Variants in FRMD4A observed in about 807,000 individuals in gnomAD.
FRMD4A encodes the protein FERM domain-containing protein 4A.
A neutral mutation model predicts 129.1 loss-of-function variants in FRMD4A; 29 were observed. The observed-to-expected ratio is 0.22, with a 90% confidence interval of 0.17 to 0.31. FRMD4A has a LOEUF of 0.31. Among genes scored for constraint, FRMD4A ranks in the 10% least tolerant of loss-of-function variants. The pLI is 1.00. For synonymous variants in FRMD4A, 634 were observed against 571.6 expected, an observed-to-expected ratio of 1.11 and a Z score of -1.56; for missense variants, 1,272 against 1,375.8, an observed-to-expected ratio of 0.92 and a Z score of 1.19.
chr10:14,129,387 T>TG (rs1839110780), intron 2 of FRMD4A, among the ~76,000 whole-genome samples: 1 of 128,698 alleles, frequency 7.8e-6, no homozygotes, highest in South Asian at 2.4e-4. Flanking sequence ...TATATATATA[T>TG]ATATATATAT....
chr10:14,191,611 C>T (rs920449438), intron 2 of FRMD4A, among the ~76,000 whole-genome samples: 1 of 152,158 alleles, frequency 6.6e-6, no homozygotes, highest in African/African-American at 2.4e-5. Flanking sequence ...GACTTAAGAA[C>T]CATGTGAATT....
At chr10:13,848,222 T>C (rs1433770972) in intron 3 of FRMD4A, among the ~76,000 whole-genome samples, 2 of 152,188 alleles carry the variant, frequency 1.3e-5, no homozygotes, top group African/African-American at 2.4e-5. Flanking sequence ...GGAAAGGATT[T>C]TGTGAAGATA....
At chr10:13,862,260 A>G (rs1352583835) in intron 2 of FRMD4A, among the ~76,000 whole-genome samples, 2 of 152,232 alleles carry the variant, frequency 1.3e-5, no homozygotes, top group Admixed American at 1.3e-4. Context: ...ACTCAATCAC[A>G]GTCTAATAAA....
intron 2 of FRMD4A, chr10:14,008,126 C>T (rs772800793): frequency 3.1e-6 from 4 of 1,299,316 alleles, no homozygotes; most frequent in East Asian, 5.6e-5. Context: ...GGGATCTATT[C>T]GGAGCCACTG....
intron 2 of FRMD4A, among the ~76,000 whole-genome samples, chr10:13,924,410 C>CTT (rs71505010): frequency 4.6e-4 from 68 of 147,428 alleles, no homozygotes; most frequent in South Asian, 8.6e-4. Flanking sequence ...CTTCTCGTTC[C>CTT]TTTTTTTTTT....
At chr10:14,138,331 C>T (rs1393191851) in intron 2 of FRMD4A, among the ~76,000 whole-genome samples, 1 of 152,184 alleles carries the variant, frequency 6.6e-6, no homozygotes, top group African/African-American at 2.4e-5. Flanking sequence ...AGCCTCTCTA[C>T]AGCCTCTTCC....
intron 4 of FRMD4A, among the ~76,000 whole-genome samples, chr10:13,809,373 A>G (rs983222259): frequency 6.6e-6 from 1 of 152,238 alleles, no homozygotes; most frequent in African/African-American, 2.4e-5. Context: ...GCTATGATTA[A>G]TTGAAACTTA....
At chr10:14,310,369 G>A (rs1228932758) in intron 2 of FRMD4A, among the ~76,000 whole-genome samples, 1 of 152,216 alleles carries the variant, frequency 6.6e-6, no homozygotes, top group Non-Finnish European at 1.5e-5. Flanking sequence ...GACAGTGAGG[G>A]TCAAAGAGTC....
At chr10:14,190,480 T>C (rs933508142) in intron 2 of FRMD4A, among the ~76,000 whole-genome samples, 6 of 152,202 alleles carry the variant, frequency 3.9e-5, no homozygotes, top group Non-Finnish European at 7.3e-5. Context: ...CTAGCGATCC[T>C]GCCTCCCGAG....
intron 2 of FRMD4A, among the ~76,000 whole-genome samples, chr10:14,060,088 C>A (rs181755674): frequency 6.6e-6 from 1 of 152,140 alleles, no homozygotes; most frequent in African/African-American, 2.4e-5. Flanking sequence ...CAGTAGCTGG[C>A]GTTTATTGCA....
intron 2 of FRMD4A, among the ~76,000 whole-genome samples, chr10:13,887,903 C>G (rs550690708): frequency 6.6e-6 from 1 of 152,260 alleles, no homozygotes; most frequent in South Asian, 2.1e-4. Context: ...TGTGCTGATT[C>G]CATGAGACAA....
chr10:14,148,071 C>G (rs974205501), intron 2 of FRMD4A, among the ~76,000 whole-genome samples: 1 of 152,128 alleles, frequency 6.6e-6, no homozygotes, highest in African/African-American at 2.4e-5. Context: ...TTCTCATTCC[C>G]TTAAGAGGAA....
intron 2 of FRMD4A, among the ~76,000 whole-genome samples, chr10:14,025,779 A>G (rs547401300): frequency 8.9e-4 from 135 of 152,314 alleles, no homozygotes; most frequent in African/African-American, 2.9e-3. Flanking sequence ...GTGAGATCAT[A>G]TAGTGTTTGT....
chr10:13,661,773 A>G (rs1469052724), intron 19 of FRMD4A, among the ~76,000 whole-genome samples: 1 of 152,160 alleles, frequency 6.6e-6, no homozygotes, highest in Admixed American at 6.5e-5. Flanking sequence ...GAAGGCAGAC[A>G]TGGGAGGTGG....
intron 2 of FRMD4A, among the ~76,000 whole-genome samples, chr10:14,016,913 G>A (rs7099400): frequency 0.18 from 27,658 of 152,254 alleles, 3,146 homozygotes; most frequent in East Asian, 0.44. Context: ...TCAAGGACAA[G>A]GCCCATCAGC....
At chr10:14,077,354 T>C (rs1307790508) in intron 2 of FRMD4A, among the ~76,000 whole-genome samples, 1 of 152,244 alleles carries the variant, frequency 6.6e-6, no homozygotes, top group African/African-American at 2.4e-5. Context: ...TCGATGCCTG[T>C]GAAAACTTTG....
At chr10:13,864,338 C>CAAAAAAAA (rs149602938) in intron 2 of FRMD4A, among the ~76,000 whole-genome samples, 12 of 114,622 alleles carry the variant, frequency 1.0e-4, no homozygotes, top group South Asian at 2.8e-4. Flanking sequence ...CATCTTGAGT[C>CAAAAAAAA]AAAAAAAAAA....
intron 2 of FRMD4A, among the ~76,000 whole-genome samples, chr10:14,177,725 G>C (rs1004302497): frequency 3.3e-5 from 5 of 152,178 alleles, no homozygotes; most frequent in African/African-American, 9.7e-5. Context: ...AACCAGAATA[G>C]CTTTCCTGAG....
At chr10:14,058,940 G>A (rs201372741) in intron 2 of FRMD4A, among the ~76,000 whole-genome samples, 2 of 151,932 alleles carry the variant, frequency 1.3e-5, no homozygotes, top group Non-Finnish European at 2.9e-5. Flanking sequence ...ATGATCAAGG[G>A]AAAAATGCCC....
Sources: gnomAD v4.1 joint callset for allele counts (sites outside exome capture counted in the v4.1 genomes callset) on GRCh38, gnomAD v4.1.1 for gene constraint, MANE v1.5 for transcripts, NCBI Gene and HGNC (gene_info 2026-07-23, HGNC 2026-07-21) for gene names.